The following TNNI3K variants were observed in gnomAD, a reference collection of about 807,000 sequenced individuals.
TNNI3K encodes the protein TNNI3 interacting kinase, also known as serine/threonine-protein kinase TNNI3K.
A neutral mutation model predicts 114.5 loss-of-function variants in TNNI3K; 140 were observed. That is an observed-to-expected ratio of 1.22 (90% confidence interval 1.07 to 1.41). The LOEUF (loss-of-function observed/expected upper bound fraction) is 1.41, where lower values mean the gene tolerates loss of function less well. Ranked by LOEUF, TNNI3K falls within the 40% of genes most tolerant of loss-of-function variation. TNNI3K has a pLI of 0.00. For missense variants in TNNI3K, 1,125 were observed against 1,007.6 expected (o/e 1.12, Z -1.58); for synonymous variants, 347 against 347.5 (o/e 1.00, Z 0.02).
intron 5 of TNNI3K, among the ~76,000 whole-genome samples, chr1:74,291,901 T>A (rs901766561): frequency 2.0e-5 from 3 of 151,566 alleles, no homozygotes; most frequent in African/African-American, 7.2e-5. Context: ...ATTAAAAAGC[T>A]TATATTTTCC....
intron 21 of TNNI3K, among the ~76,000 whole-genome samples, chr1:74,476,544 T>G (rs1482861225): frequency 6.6e-6 from 1 of 152,036 alleles, no homozygotes; most frequent in Non-Finnish European, 1.5e-5. Context: ...TGTCCACAAC[T>G]CTGAGACAAA....
intron 14 of TNNI3K, 43 bp from the exon 15 acceptor site, chr1:74,369,163 CT>C: frequency 6.2e-7 from 1 of 1,601,138 alleles, no homozygotes; most frequent in Non-Finnish European, 8.5e-7. Context: ...GTTGAATGAG[CT>C]TAAGTTAATA....
At position 74,544,030 on chromosome 1, in the gene TNNI3K, C is replaced by T; in HGVS notation, c.*48C>T. ...GAGAGTTTTTTCCCCGAACTGACAG[C>T]AACGATTCCAACCACGGCAAGCTGG... On this transcript the variant is annotated 3_prime_UTR_variant, in exon 25 of 25. Coordinates refer to ENST00000326637, the MANE Select transcript of TNNI3K (RefSeq NM_015978.3). 2.5e-6 allele frequency: 4 copies of T among 1,581,886 alleles called. No individual in the cohort carries two copies. The highest frequency in any genetic ancestry group is 3.4e-6 in the Non-Finnish European group (4 of 1,162,652).
chr1:74,346,700 G>A (rs547501892), intron 9 of TNNI3K, among the ~76,000 whole-genome samples: 1 of 149,804 alleles, frequency 6.7e-6, no homozygotes, highest in East Asian at 2.0e-4. Flanking sequence ...TTGTTTGTTA[G>A]GACTGTCATA....
intron 20 of TNNI3K, among the ~76,000 whole-genome samples, chr1:74,441,221 C>T (rs1330503920): frequency 1.3e-5 from 2 of 152,086 alleles, no homozygotes; most frequent in African/African-American, 4.8e-5. Flanking sequence ...CAAAAAGTTC[C>T]CAGTGCCTGT....
At chr1:74,300,103 C>A (rs963532567) in intron 5 of TNNI3K, among the ~76,000 whole-genome samples, 4 of 152,024 alleles carry the variant, frequency 2.6e-5, no homozygotes, top group Non-Finnish European at 5.9e-5. Context: ...ACTTTTGTGG[C>A]AGGATTAAAT....
At chr1:74,495,382 A>C (rs924492030) in intron 23 of TNNI3K, among the ~76,000 whole-genome samples, 2 of 152,196 alleles carry the variant, frequency 1.3e-5, no homozygotes, top group African/African-American at 4.8e-5. Context: ...TATCCTTAGT[A>C]TCTATCTAGC....
At chr1:74,402,068 T>C (rs1664391330) in intron 17 of TNNI3K, 1 of 198,020 alleles carries the variant, frequency 5.0e-6, no homozygotes, top group Non-Finnish European at 1.0e-5. Flanking sequence ...TTTTTTAGTT[T>C]ATTTCTTCAT....
At chr1:74,291,610 C>G (rs1159379650) in intron 5 of TNNI3K, among the ~76,000 whole-genome samples, 2 of 151,552 alleles carry the variant, frequency 1.3e-5, no homozygotes, top group Non-Finnish European at 3.0e-5. Flanking sequence ...CCTAAGTTGA[C>G]TGACTTCATA....
chr1:74,479,680 C>T (rs1668380636), intron 21 of TNNI3K, among the ~76,000 whole-genome samples: 1 of 152,158 alleles, frequency 6.6e-6, no homozygotes, highest in East Asian at 1.9e-4. Context: ...CTGTGAAAGC[C>T]CTCTGACTCT....
chr1:74,235,998 G>C, intron 1 of TNNI3K, 104 bp from the exon 2 acceptor site: 1 of 710,362 alleles, frequency 1.4e-6, no homozygotes, highest in Non-Finnish European at 2.2e-6. Flanking sequence ...AAGTATTGTA[G>C]AATCTAGAAT....
chr1:74,435,747 T>G (rs1221395514), intron 17 of TNNI3K, among the ~76,000 whole-genome samples: 1 of 152,078 alleles, frequency 6.6e-6, no homozygotes, highest in African/African-American at 2.4e-5. Flanking sequence ...TTTTCACTCT[T>G]TCCTTGTAAC....
chr1:74,404,325 T>C (rs1557546291), intron 17 of TNNI3K, among the ~76,000 whole-genome samples: 2 of 152,136 alleles, frequency 1.3e-5, no homozygotes, highest in Non-Finnish European at 2.9e-5. Flanking sequence ...TATTGCTCTA[T>C]CCCTTCTATC....
chr1:74,250,831 C>T (rs200001343), intron 4 of TNNI3K, 62 bp downstream of exon 4: 187 of 960,312 alleles, frequency 1.9e-4, no homozygotes, highest in South Asian at 1.1e-3. Context: ...TATCTTTAGG[C>T]TTTTTTTTTT....
intron 23 of TNNI3K, among the ~76,000 whole-genome samples, chr1:74,516,744 T>C (rs1180007277): frequency 2.0e-5 from 3 of 152,144 alleles, no homozygotes; most frequent in African/African-American, 7.2e-5. Flanking sequence ...GCATTATTTC[T>C]CCAGTAGTAA....
At chr1:74,274,157 A>G (rs1450575796) in intron 5 of TNNI3K, among the ~76,000 whole-genome samples, 1 of 151,964 alleles carries the variant, frequency 6.6e-6, no homozygotes, top group Non-Finnish European at 1.5e-5. Flanking sequence ...CTATATTCTT[A>G]AAGTAAGCTA....
intron 21 of TNNI3K, chr1:74,464,572 T>G (rs2100724314): frequency 6.8e-7 from 1 of 1,469,388 alleles, no homozygotes; most frequent in African/African-American, 1.4e-5. Context: ...TCAGGAGAAA[T>G]AAAATAGGCC....
rs2100894776 is a variant in TNNI3K at position 74,271,714 on chromosome 1, T to G, written c.444+6T>G. On this transcript the variant is annotated splice_donor_region_variant and intron_variant, in intron 5 of 24. Transcript: ENST00000326637. ...CAATAGCTGGCCACCTAGAGGTAAGTCATGCCTTTGGCACCTGTGAAAACA... is the reference window on the plus strand; with the variant it reads ...CAATAGCTGGCCACCTAGAGGTAAGGCATGCCTTTGGCACCTGTGAAAACA... 6.2e-7 allele frequency: 1 copy of G among 1,602,896 alleles called. No homozygotes were observed. Among genetic ancestry groups the G allele is most frequent in the East Asian group, 2.2e-5 (1 of 44,608 alleles).
At position 74,489,589 on chromosome 1, in the gene TNNI3K, T is replaced by A. The variant is rs1181934058; in HGVS notation, c.2181+341T>A. On this transcript the variant is annotated intron_variant, in intron 22 of 24. Coordinates refer to ENST00000326637, the MANE Select transcript of TNNI3K (RefSeq NM_015978.3). ...TCAATTTTTATGCAAAAATTCTTCA[T>A]ACAGAGATTTGTAAGCCATTGTTCA... is the stretch of plus-strand genomic sequence containing the variant. Among the ~76,000 whole-genome samples the A allele has an allele frequency of 2.0e-5, 3 of 152,216 alleles. No homozygotes were observed. The East Asian group carries it at 5.8e-4, about 29-fold the overall frequency.
Sources: gnomAD v4.1 joint callset for allele counts (sites outside exome capture counted in the v4.1 genomes callset) on GRCh38, gnomAD v4.1.1 for gene constraint, MANE v1.5 for transcripts, NCBI Gene and HGNC (gene_info 2026-07-23, HGNC 2026-07-21) for gene names.